Variants in KIAA1328 observed in about 807,000 individuals in gnomAD.
The protein encoded by KIAA1328 is protein hinderin.
A neutral mutation model predicts 68.1 loss-of-function variants in KIAA1328; 52 were observed. The ratio of observed to expected loss-of-function variants is 0.76; its 90% CI spans 0.61 to 0.96. KIAA1328 has a LOEUF of 0.96. Ranked by LOEUF, KIAA1328 falls within the 40% of genes least tolerant of loss-of-function variation. The probability of loss-of-function intolerance (pLI) is 0.00; values close to 1 mark genes in which losing one functional copy is unlikely to be tolerated. For missense variants in KIAA1328, 641 were observed against 677.6 expected, an observed-to-expected ratio of 0.95 and a Z score of 0.60; for synonymous variants, 232 against 239.4, an observed-to-expected ratio of 0.97 and a Z score of 0.28.
intron 5 of KIAA1328, among the ~76,000 whole-genome samples, chr18:36,888,957 C>G (rs1338521116): frequency 6.6e-6 from 1 of 151,994 alleles, no homozygotes; most frequent in Non-Finnish European, 1.5e-5. Context: ...ATGTATTATA[C>G]CAACATTTAT....
At chr18:37,027,295 A>T (rs1240193635) in intron 6 of KIAA1328, among the ~76,000 whole-genome samples, 1 of 152,204 alleles carries the variant, frequency 6.6e-6, no homozygotes, top group East Asian at 1.9e-4. Context: ...CATATTGCCC[A>T]AGGTAATTTA....
At chr18:36,990,324 C>T (rs1012357302) in intron 6 of KIAA1328, among the ~76,000 whole-genome samples, 2 of 151,942 alleles carry the variant, frequency 1.3e-5, no homozygotes, top group African/African-American at 4.8e-5. Flanking sequence ...AGTGTATGGA[C>T]ATATTATATT....
intron 5 of KIAA1328, among the ~76,000 whole-genome samples, chr18:36,936,339 T>C (rs893223780): frequency 3.3e-5 from 5 of 152,130 alleles, no homozygotes; most frequent in Admixed American, 6.5e-5. Context: ...TGTGTTCTCA[T>C]TGTGCAACTC....
intron 7 of KIAA1328, among the ~76,000 whole-genome samples, chr18:37,157,807 C>CAAAA (rs542590805): frequency 1.3e-4 from 7 of 55,374 alleles, no homozygotes; most frequent in Admixed American, 6.8e-4. Context: ...GACTCCTCTC[C>CAAAA]AAAAAAAAAA....
At chr18:37,047,432 C>T (rs1216473198) in intron 6 of KIAA1328, among the ~76,000 whole-genome samples, 2 of 152,122 alleles carry the variant, frequency 1.3e-5, no homozygotes, top group African/African-American at 4.8e-5. Flanking sequence ...GCACTGACAC[C>T]ATTTTTATAC....
chr18:37,104,583 A>G (rs2057716773), intron 7 of KIAA1328, among the ~76,000 whole-genome samples: 1 of 152,240 alleles, frequency 6.6e-6, no homozygotes, highest in Non-Finnish European at 1.5e-5. Context: ...CTAGCATTCG[A>G]TAGCACAGGA....
At chr18:37,154,704 A>G (rs2059116613) in intron 7 of KIAA1328, among the ~76,000 whole-genome samples, 1 of 152,152 alleles carries the variant, frequency 6.6e-6, no homozygotes, top group African/African-American at 2.4e-5. Flanking sequence ...TTCATCAGAA[A>G]AATCATTGAC....
chr18:37,013,593 A>G (rs2054050332), intron 6 of KIAA1328, among the ~76,000 whole-genome samples: 1 of 152,152 alleles, frequency 6.6e-6, no homozygotes, highest in African/African-American at 2.4e-5. Flanking sequence ...GAGAACATGT[A>G]GTATTTGGTT....
chr18:36,880,293 T>C (rs9965351), intron 4 of KIAA1328, among the ~76,000 whole-genome samples: 61,229 of 151,910 alleles, frequency 0.4, 14,164 homozygotes, highest in African/African-American at 0.64. Context: ...AGTTCCCCAA[T>C]GCCTTGCGCT....
intron 5 of KIAA1328, among the ~76,000 whole-genome samples, chr18:36,947,995 T>C (rs1333015635): frequency 6.6e-6 from 1 of 152,132 alleles, no homozygotes; most frequent in East Asian, 1.9e-4. Flanking sequence ...GATGAGGGTA[T>C]AATGAGGCGT....
At chr18:36,922,342 A>G (rs897602126) in intron 5 of KIAA1328, among the ~76,000 whole-genome samples, 5 of 152,128 alleles carry the variant, frequency 3.3e-5, no homozygotes, top group Non-Finnish European at 7.4e-5. Flanking sequence ...AAACATGTCT[A>G]TCCACCTTCC....
At chr18:37,097,605 G>A (rs540031693) in intron 7 of KIAA1328, among the ~76,000 whole-genome samples, 49 of 152,282 alleles carry the variant, frequency 3.2e-4, no homozygotes, top group South Asian at 1.0e-3. Context: ...TTCCAATTCT[G>A]TGAAGACAGT....
At chr18:36,988,299 C>A (rs2053028877) in intron 6 of KIAA1328, among the ~76,000 whole-genome samples, 1 of 152,138 alleles carries the variant, frequency 6.6e-6, no homozygotes, top group South Asian at 2.1e-4. Context: ...ATTGAAGAAG[C>A]CCTGTAAAAC....
At chr18:36,913,370 A>ATT (rs150001166) in intron 5 of KIAA1328, among the ~76,000 whole-genome samples, 87 of 149,466 alleles carry the variant, frequency 5.8e-4, no homozygotes, top group South Asian at 8.5e-4. Flanking sequence ...AAAAAAAAAA[A>ATT]TTTTTTAAGA....
At position 37,222,861 on chromosome 18, in the gene KIAA1328, C is replaced by T; in HGVS notation, c.*634C>T. 1 of 988,106 alleles carries T rather than the reference C, an allele frequency of 1.0e-6. No individual in the cohort carries two copies. The highest frequency in any genetic ancestry group is 1.2e-6 in the Non-Finnish European group (1 of 831,906). 61.2% of individuals were successfully genotyped at this position (988,106 alleles called of 1,614,324 possible). On this transcript the variant is annotated 3_prime_UTR_variant, in exon 10 of 10. Transcript: ENST00000280020. The stretch of plus-strand genomic sequence containing the variant: ...GCTCAATGGGCTGGAGGGTGAGACC[C>T]AGCCAATCCTTGGGAGCAAGCAGCA...
At chr18:36,859,842 AT>A (rs369584244) in intron 4 of KIAA1328, among the ~76,000 whole-genome samples, 17,625 of 124,638 alleles carry the variant, frequency 0.14, 1,130 homozygotes, top group Middle Eastern at 0.17. Flanking sequence ...TTTACTGTCC[AT>A]TTTTTTTTTT....
chr18:36,868,474 C>CTA lies in KIAA1328; in HGVS notation c.333-17080_333-17079dup, dbSNP rs2047830314. ...GAAAAATGAATGGCTTTGCAAAATA[C>CTA]TATAGTTTGTGCTGAAAGACGCTGA... On this transcript the variant is annotated intron_variant, in intron 4 of 9. Coordinates refer to ENST00000280020, the MANE Select transcript of KIAA1328 (RefSeq NM_020776.3). Among the ~76,000 whole-genome samples the CTA allele has an allele frequency of 3.9e-5, 6 of 152,104 alleles. No individual in the cohort carries two copies. In the South Asian group the frequency reaches 1.2e-3, roughly 31 times the overall value.
At chr18:36,864,488 A>G (rs924316200) in intron 4 of KIAA1328, among the ~76,000 whole-genome samples, 2 of 151,676 alleles carry the variant, frequency 1.3e-5, no homozygotes, top group Non-Finnish European at 2.9e-5. Flanking sequence ...TTTTTAGTAG[A>G]GACGGGGTTT....
At chr18:37,086,309 A>G (rs182012338) in intron 7 of KIAA1328, among the ~76,000 whole-genome samples, 2 of 152,224 alleles carry the variant, frequency 1.3e-5, no homozygotes, top group African/African-American at 4.8e-5. Context: ...TGCAATGAAT[A>G]CATACAGTAT....
Sources: gnomAD v4.1 joint callset for allele counts (sites outside exome capture counted in the v4.1 genomes callset) on GRCh38, gnomAD v4.1.1 for gene constraint, MANE v1.5 for transcripts, NCBI Gene and HGNC (gene_info 2026-07-23, HGNC 2026-07-21) for gene names.